NPAS3: variants seen among roughly 807,000 people sequenced by gnomAD.
The protein encoded by NPAS3 is neuronal PAS domain protein 3.
In NPAS3, 14 loss-of-function variants were observed where a neutral mutation model predicts 73.1. The ratio of observed to expected loss-of-function variants is 0.19; its 90% CI spans 0.13 to 0.30. The LOEUF (loss-of-function observed/expected upper bound fraction) is 0.30. Among genes scored for constraint, NPAS3 ranks in the 10% least tolerant of loss-of-function variants. The pLI is 1.00. For missense variants in NPAS3, 1,096 were observed against 1,250.0 expected (o/e 0.88, Z 1.86); for synonymous variants, 620 against 541.5 (o/e 1.14, Z -2.01).
intron 1 of NPAS3, among the ~76,000 whole-genome samples, chr14:32,963,223 T>C (rs1307760309): frequency 1.3e-5 from 2 of 152,220 alleles, no homozygotes; most frequent in Non-Finnish European, 1.5e-5. Context: ...AAGGTTTTTT[T>C]CTGTGTTTGC....
intron 3 of NPAS3, among the ~76,000 whole-genome samples, chr14:33,328,258 G>T (rs1335358935): frequency 6.6e-6 from 1 of 151,716 alleles, no homozygotes; most frequent in Non-Finnish European, 1.5e-5. Context: ...AGCTTCTTTT[G>T]TGGCTGTGGT....
chr14:33,403,610 T>G (rs539594607), intron 4 of NPAS3, among the ~76,000 whole-genome samples: 4 of 152,264 alleles, frequency 2.6e-5, no homozygotes, highest in African/African-American at 9.6e-5. Context: ...ATTTCTTCTT[T>G]AAATGATTCA....
chr14:33,655,279 C>CA (rs1482361342), intron 5 of NPAS3, among the ~76,000 whole-genome samples: 1 of 145,998 alleles, frequency 6.8e-6, no homozygotes, highest in Non-Finnish European at 1.5e-5. Flanking sequence ...CTCAAGCTGA[C>CA]AAAAGTATTA....
rs532927964 is a variant in NPAS3 at position 33,221,708 on chromosome 14, A to G, written c.385+6282A>G. Among the ~76,000 whole-genome samples, 9 of 152,206 alleles carry G rather than the reference A, an allele frequency of 5.9e-5. No homozygotes were observed. The South Asian group carries it at 1.2e-3, about 21-fold the overall frequency. Reference sequence around the variant, plus strand: ...GAGTACAGATGTGCTCTTTTGCATTATGCATTAAGATTAATCAACCTCTTT... The same window carrying G: ...GAGTACAGATGTGCTCTTTTGCATTGTGCATTAAGATTAATCAACCTCTTT... On this transcript the variant is annotated intron_variant, in intron 3 of 11. Transcript: ENST00000356141.
chr14:33,130,277 C>G (rs543373499), intron 2 of NPAS3, among the ~76,000 whole-genome samples: 77 of 152,240 alleles, frequency 5.1e-4, no homozygotes, highest in Non-Finnish European at 8.2e-4. Flanking sequence ...TACTCTCCCC[C>G]CTTATTTAGT....
intron 3 of NPAS3, among the ~76,000 whole-genome samples, chr14:33,262,272 A>C (rs1304003369): frequency 2.0e-5 from 3 of 152,208 alleles, no homozygotes; most frequent in Non-Finnish European, 4.4e-5. Flanking sequence ...TGATTGTCTC[A>C]TAGTTAAATT....
chr14:33,624,828 TAC>T (rs2058177623), intron 5 of NPAS3, among the ~76,000 whole-genome samples: 1 of 152,232 alleles, frequency 6.6e-6, no homozygotes, highest in Admixed American at 6.5e-5. Context: ...ATCTAGTTTA[TAC>T]ACATTCTTGT....
chr14:33,150,129 T>C (rs1425526742), intron 2 of NPAS3, among the ~76,000 whole-genome samples: 4 of 152,260 alleles, frequency 2.6e-5, no homozygotes, highest in Non-Finnish European at 4.4e-5. Context: ...TCCTTTTTTA[T>C]GGCTGCATAG....
At chr14:32,948,286 G>A (rs1400684020) in intron 1 of NPAS3, among the ~76,000 whole-genome samples, 1 of 152,068 alleles carries the variant, frequency 6.6e-6, no homozygotes, top group Non-Finnish European at 1.5e-5. Flanking sequence ...TCCAAAAATG[G>A]TTTTATTGGG....
chr14:33,783,515 C>A (rs1566536854), intron 9 of NPAS3, among the ~76,000 whole-genome samples: 1 of 147,880 alleles, frequency 6.8e-6, no homozygotes, highest in Middle Eastern at 3.7e-3. Context: ...ACCGAAAAAA[C>A]CGTCACAAGG....
chr14:33,261,836 G>A (rs781420536), intron 3 of NPAS3, among the ~76,000 whole-genome samples: 1 of 152,136 alleles, frequency 6.6e-6, no homozygotes, highest in Non-Finnish European at 1.5e-5. Context: ...AGGAAATAGA[G>A]GTGGTATCTA....
At chr14:33,232,410 T>G (rs1417192018) in intron 3 of NPAS3, among the ~76,000 whole-genome samples, 4 of 152,224 alleles carry the variant, frequency 2.6e-5, no homozygotes, top group African/African-American at 9.6e-5. Context: ...GATCATACTT[T>G]CTGAATACAC....
chr14:33,613,523 CTCTCT>C (rs2057816608), intron 5 of NPAS3, among the ~76,000 whole-genome samples: 1 of 152,134 alleles, frequency 6.6e-6, no homozygotes, highest in Non-Finnish European at 1.5e-5. Context: ...GAGGCTTCCC[CTCTCT>C]TCTCTTCATT....
At chr14:33,677,753 C>G (rs1278546774) in intron 6 of NPAS3, among the ~76,000 whole-genome samples, 1 of 152,098 alleles carries the variant, frequency 6.6e-6, no homozygotes, top group Non-Finnish European at 1.5e-5. Context: ...TCAGTGAGCC[C>G]CACACATGAG....
chr14:33,143,688 A>G (rs1290338670), intron 2 of NPAS3, among the ~76,000 whole-genome samples: 4 of 152,132 alleles, frequency 2.6e-5, no homozygotes, highest in African/African-American at 9.7e-5. Flanking sequence ...CACCCCAAAA[A>G]TGAAACCTCA....
chr14:33,212,785 C>A (rs940373322), intron 2 of NPAS3, among the ~76,000 whole-genome samples: 1 of 152,060 alleles, frequency 6.6e-6, no homozygotes, highest in Non-Finnish European at 1.5e-5. Context: ...ATAAATATTA[C>A]GGTATATTAC....
chr14:32,973,926 G>A (rs1353665087), intron 1 of NPAS3, among the ~76,000 whole-genome samples: 1 of 152,104 alleles, frequency 6.6e-6, no homozygotes, highest in East Asian at 1.9e-4. Flanking sequence ...AGGCCATAAG[G>A]CATAACTTTA....
chr14:33,742,593 G>T (rs2061682523), intron 7 of NPAS3, among the ~76,000 whole-genome samples: 1 of 152,202 alleles, frequency 6.6e-6, no homozygotes, highest in South Asian at 2.1e-4. Flanking sequence ...CCATGTGGAT[G>T]GCTGCTGACT....
intron 5 of NPAS3, among the ~76,000 whole-genome samples, chr14:33,584,696 A>G (rs2139902611): frequency 6.6e-6 from 1 of 152,330 alleles, no homozygotes; most frequent in South Asian, 2.1e-4. Flanking sequence ...CCCAGATTGA[A>G]AGGTAACTCA....
Sources: allele counts gnomAD v4.1 joint callset (sites outside exome capture counted in the v4.1 genomes callset), GRCh38; gene constraint gnomAD v4.1.1; transcripts MANE v1.5; gene names NCBI Gene and HGNC (gene_info 2026-07-23, HGNC 2026-07-21).